The following C10orf90 variants were observed in gnomAD, a reference collection of about 807,000 sequenced individuals.
The protein encoded by C10orf90 is chromosome 10 open reading frame 90.
C10orf90 carries 56 observed loss-of-function variants against 62.5 expected under a neutral mutation model. That is an observed-to-expected ratio of 0.90 (90% CI 0.72 to 1.12). C10orf90 has a LOEUF of 1.12. Among genes scored for constraint, C10orf90 ranks in the 50% most tolerant of loss-of-function variants. The probability of loss-of-function intolerance (pLI) is 0.00; values close to 1 mark genes in which losing one functional copy is unlikely to be tolerated. For synonymous variants in C10orf90, 386 were observed against 340.4 expected (o/e 1.13, Z -1.47); for missense variants, 970 against 880.4 (o/e 1.10, Z -1.29).
chr10:126,490,276 G>T (rs1246845113), intron 4 of C10orf90, among the ~76,000 whole-genome samples: 3 of 150,888 alleles, frequency 2.0e-5, no homozygotes, highest in Non-Finnish European at 2.9e-5. Context: ...AATCACAAAA[G>T]AACAGATATT....
intron 1 of C10orf90, among the ~76,000 whole-genome samples, chr10:126,649,044 C>G (rs967373903): frequency 2.1e-5 from 1 of 47,176 alleles, no homozygotes; most frequent in African/African-American, 1.0e-4. Flanking sequence ...GTCTCTCTCT[C>G]TCTCTCTCTC....
intron 2 of C10orf90, among the ~76,000 whole-genome samples, chr10:126,556,862 T>C (rs971837075): frequency 3.3e-5 from 5 of 151,828 alleles, no homozygotes; most frequent in African/African-American, 1.2e-4. Context: ...CTGTGACCTG[T>C]GGGGAAGGCA....
chr10:126,502,812 A>C, intron 4 of C10orf90: 1 of 528,824 alleles, frequency 1.9e-6, no homozygotes, highest in Non-Finnish European at 3.9e-6. Flanking sequence ...ATAGCTGCTT[A>C]TGTTGTCCTT....
rs1364724723 is a variant in C10orf90, at chr10:126,504,195, C to G, written c.1296G>C (p.Trp432Cys). The change falls in exon 4 of 10, where the codon TGG becomes TGC. Residue 432 changes from tryptophan to cysteine, a missense_variant. Coordinates refer to ENST00000488181, the MANE Select transcript of C10orf90 (RefSeq NM_001350921.2). This position sits in a 1 kb window ranked among gnomAD's most constrained non-coding sequence, Gnocchi z 4.1. ...EGDQDLVGQR[W>C]NPGLQESHLK... ...AGTGACTTTCTTGTAAACCTGGGTT[C>G]CAGCGCTGGCCTACGAGGTCCTGGT... 1 of 1,614,146 alleles carries G rather than the reference C, an allele frequency of 6.2e-7. No individual in the cohort carries two copies. Among genetic ancestry groups the G allele is most frequent in the East Asian group, 2.2e-5 (1 of 44,862 alleles).
chr10:126,618,486 T>G (rs1004896886), intron 2 of C10orf90, among the ~76,000 whole-genome samples: 7 of 152,182 alleles, frequency 4.6e-5, no homozygotes, highest in Admixed American at 1.3e-4. Context: ...AAACTCTGTA[T>G]TACTTTAATT....
intron 7 of C10orf90, among the ~76,000 whole-genome samples, chr10:126,435,015 G>A (rs900070671): frequency 1.3e-5 from 2 of 152,148 alleles, no homozygotes; most frequent in African/African-American, 4.8e-5. Flanking sequence ...ATCTTATGCT[G>A]GACTCTCATT....
chr10:126,454,397 A>G (rs1250935857), intron 7 of C10orf90, among the ~76,000 whole-genome samples: 1 of 151,406 alleles, frequency 6.6e-6, no homozygotes, highest in Non-Finnish European at 1.5e-5. Context: ...ACCCTCTACA[A>G]CTTGCAGGGG....
At chr10:126,582,510 G>A (rs1844774034) in intron 2 of C10orf90, among the ~76,000 whole-genome samples, 1 of 152,210 alleles carries the variant, frequency 6.6e-6, no homozygotes, top group South Asian at 2.1e-4. Context: ...CTGTGAAAAT[G>A]TCGGCTGTGA....
chr10:126,425,353 C>A lies in C10orf90; in HGVS notation c.*511G>T, dbSNP rs142200706. 7.6e-4 allele frequency: 117 copies of A among 153,998 alleles called. 2 individuals are homozygous for A. Among genetic ancestry groups the A allele is most frequent in the Admixed American group, 6.1e-3 (95 of 15,514 alleles). The allele number at this position is 153,998 out of a possible 1,614,324, so 9.5% of individuals were successfully genotyped here. Reference sequence around the variant, plus strand: ...TTGCACCCACCGGTTTCCAAGTCAGCCTCTAGCATTGGGTGGTGTACATGT... The same window carrying A: ...TTGCACCCACCGGTTTCCAAGTCAGACTCTAGCATTGGGTGGTGTACATGT... On this transcript the variant is annotated 3_prime_UTR_variant, in exon 10 of 10. Transcript: ENST00000488181.
chr10:126,585,674 A>C (rs1206884948), intron 2 of C10orf90, among the ~76,000 whole-genome samples: 1 of 152,152 alleles, frequency 6.6e-6, no homozygotes, highest in African/African-American at 2.4e-5. Flanking sequence ...AAGAGTAAAG[A>C]ATAGAGAGCA....
chr10:126,442,505 A>ATATATATATATATATATATATC (rs1590905259), intron 7 of C10orf90, among the ~76,000 whole-genome samples: 1 of 111,108 alleles, frequency 9.0e-6, no homozygotes, highest in African/African-American at 3.5e-5. Flanking sequence ...ATATATATAT[A>ATATATATATATATATATATATC]TATCTGTTAA....
intron 5 of C10orf90, among the ~76,000 whole-genome samples, chr10:126,463,846 AG>A: frequency 6.6e-6 from 1 of 152,352 alleles, no homozygotes; most frequent in East Asian, 1.9e-4. Flanking sequence ...CCTAGAGGGC[AG>A]GGGATATAAA....
At chr10:126,635,403 G>C (rs1158979637) in intron 2 of C10orf90, among the ~76,000 whole-genome samples, 1 of 152,090 alleles carries the variant, frequency 6.6e-6, no homozygotes, top group African/African-American at 2.4e-5. Context: ...CCCTCGAAGA[G>C]CCCAAAATAT....
intron 4 of C10orf90, among the ~76,000 whole-genome samples, chr10:126,487,476 A>G (rs1019273307): frequency 1.3e-5 from 2 of 152,210 alleles, no homozygotes; most frequent in Non-Finnish European, 2.9e-5. Flanking sequence ...GTGGAAGCCA[A>G]AGACACTAGG....
At chr10:126,543,471 G>A (rs1418823249) in intron 2 of C10orf90, among the ~76,000 whole-genome samples, 1 of 152,224 alleles carries the variant, frequency 6.6e-6, no homozygotes, top group Non-Finnish European at 1.5e-5. Context: ...GAAAGCAGAT[G>A]TAGGTAATTC....
chr10:126,647,274 A>T (rs1405927393), intron 1 of C10orf90, among the ~76,000 whole-genome samples: 1 of 152,136 alleles, frequency 6.6e-6, no homozygotes, highest in Non-Finnish European at 1.5e-5. Flanking sequence ...CGTCCCTTGG[A>T]GTATCCTGTG....
At chr10:126,639,138 C>T (rs979591027) in intron 2 of C10orf90, among the ~76,000 whole-genome samples, 3 of 152,240 alleles carry the variant, frequency 2.0e-5, no homozygotes, top group African/African-American at 7.2e-5. Context: ...CAACTTCTTG[C>T]ACACCCATAG....
intron 2 of C10orf90, among the ~76,000 whole-genome samples, chr10:126,521,816 A>C (rs752678757): frequency 7.9e-5 from 12 of 152,238 alleles, no homozygotes; most frequent in Non-Finnish European, 1.5e-4. Context: ...TATCTTTGAC[A>C]CTAAATTATA....
chr10:126,496,755 T>A, intron 4 of C10orf90: 7 of 968,124 alleles, frequency 7.2e-6, no homozygotes, highest in Non-Finnish European at 8.6e-6. Context: ...AGGAAACACA[T>A]CAAGCACTTA....
Sources: gnomAD v4.1 joint callset for allele counts (sites outside exome capture counted in the v4.1 genomes callset) on GRCh38, gnomAD v4.1.1 for gene constraint, Gnocchi (gnomAD v3.1) non-coding constraint, MANE v1.5 for transcripts, NCBI Gene and HGNC (gene_info 2026-07-23, HGNC 2026-07-21) for gene names.